NPAS3: variants seen among roughly 807,000 people sequenced by gnomAD.
The protein encoded by NPAS3 is neuronal PAS domain protein 3.
NPAS3 carries 14 observed loss-of-function variants against 73.1 expected under a neutral mutation model. The observed-to-expected ratio is 0.19, with a 90% CI of 0.13 to 0.30. The LOEUF (loss-of-function observed/expected upper bound fraction) is 0.30. Among genes scored for constraint, NPAS3 ranks in the 10% least tolerant of loss-of-function variants. The pLI is 1.00. For synonymous variants in NPAS3, 620 were observed against 541.5 expected (o/e 1.14, Z -2.01); for missense variants, 1,096 against 1,250.0 (o/e 0.88, Z 1.86).
chr14:33,169,870 A>T (rs1021747251), intron 2 of NPAS3, among the ~76,000 whole-genome samples: 4 of 152,184 alleles, frequency 2.6e-5, no homozygotes, highest in African/African-American at 9.7e-5. Flanking sequence ...GAGTTATGAG[A>T]CCTTGTCGGT....
chr14:33,514,308 T>C (rs1056574646), intron 4 of NPAS3, among the ~76,000 whole-genome samples: 2 of 151,954 alleles, frequency 1.3e-5, no homozygotes, highest in Non-Finnish European at 2.9e-5. Flanking sequence ...AAATCCAACC[T>C]CCTATCCCTC....
chr14:33,663,084 G>A (rs184954801), intron 5 of NPAS3, among the ~76,000 whole-genome samples: 4 of 151,840 alleles, frequency 2.6e-5, no homozygotes, highest in Non-Finnish European at 2.9e-5. Flanking sequence ...TCTCTTGCCT[G>A]ATTGCGCTGG....
At chr14:33,518,293 TG>T (rs2053396736) in intron 4 of NPAS3, among the ~76,000 whole-genome samples, 1 of 151,356 alleles carries the variant, frequency 6.6e-6, no homozygotes, top group Non-Finnish European at 1.5e-5. Flanking sequence ...TAACTCATGG[TG>T]GGGGTGGGAG....
At chr14:33,022,777 A>T (rs1459977193) in intron 1 of NPAS3, among the ~76,000 whole-genome samples, 1 of 152,064 alleles carries the variant, frequency 6.6e-6, no homozygotes, top group East Asian at 1.9e-4. Flanking sequence ...AATTCATTGT[A>T]AATATTTAAA....
At chr14:33,079,097 C>G (rs75730507) in intron 2 of NPAS3, among the ~76,000 whole-genome samples, 8,542 of 152,134 alleles carry the variant, frequency 0.056, 612 homozygotes, top group East Asian at 0.34. Flanking sequence ...TCAGACAAAT[C>G]ATACTCAGAG....
rs73258948 is a variant in NPAS3, at chr14:33,724,307, T to G, written c.734-10907T>G. Among the ~76,000 whole-genome samples the G allele has an allele frequency of 7.2e-3, 1,090 of 152,178 alleles. 12 individuals are homozygous for G. Among genetic ancestry groups the G allele is most frequent in the African/African-American group, 0.023 (971 of 41,508 alleles). Reference sequence around the variant, plus strand: ...TAAAAATTCAACTGGCCAGTAAATATGTATTCAAACATAATCCATCCTCAA... The same window carrying G: ...TAAAAATTCAACTGGCCAGTAAATAGGTATTCAAACATAATCCATCCTCAA... On this transcript the variant is annotated intron_variant, in intron 6 of 11. Transcript: ENST00000356141.
intron 4 of NPAS3, among the ~76,000 whole-genome samples, chr14:33,491,638 A>G (rs377680497): frequency 6.6e-6 from 1 of 152,172 alleles, no homozygotes; most frequent in East Asian, 1.9e-4. Flanking sequence ...CCTTTAAATA[A>G]GTATACTGAG....
intron 4 of NPAS3, among the ~76,000 whole-genome samples, chr14:33,403,170 TAA>T (rs1422336965): frequency 6.6e-6 from 1 of 152,080 alleles, no homozygotes; most frequent in African/African-American, 2.4e-5. Context: ...CTATTTTTAT[TAA>T]GAGATGTTTC....
intron 6 of NPAS3, among the ~76,000 whole-genome samples, chr14:33,681,903 T>C (rs2059950039): frequency 6.6e-6 from 1 of 151,788 alleles, no homozygotes; most frequent in Non-Finnish European, 1.5e-5. Context: ...TGTAGTCGAG[T>C]GGTATGCTAC....
chr14:33,051,204 G>GTT (rs1450825004), intron 1 of NPAS3, among the ~76,000 whole-genome samples: 1 of 149,250 alleles, frequency 6.7e-6, no homozygotes, highest in Non-Finnish European at 1.5e-5. Context: ...AACCCAGGAA[G>GTT]CGGAGCTTGC....
At chr14:33,196,447 T>C (rs1460445907) in intron 2 of NPAS3, among the ~76,000 whole-genome samples, 1 of 152,234 alleles carries the variant, frequency 6.6e-6, no homozygotes, top group African/African-American at 2.4e-5. Flanking sequence ...GCCATCTCTC[T>C]CTTTTGAGTA....
intron 3 of NPAS3, among the ~76,000 whole-genome samples, chr14:33,365,308 A>G (rs1277344221): frequency 6.6e-6 from 1 of 151,864 alleles, no homozygotes; most frequent in Non-Finnish European, 1.5e-5. Flanking sequence ...AACAGTATTC[A>G]GCAAGACAGC....
At chr14:33,128,080 C>T (rs188850877) in intron 2 of NPAS3, among the ~76,000 whole-genome samples, 1 of 152,214 alleles carries the variant, frequency 6.6e-6, no homozygotes, top group Non-Finnish European at 1.5e-5. Context: ...AAAGCTGTCA[C>T]AGCTTAATGT....
At chr14:33,042,835 A>G (rs2040388276) in intron 1 of NPAS3, among the ~76,000 whole-genome samples, 1 of 152,208 alleles carries the variant, frequency 6.6e-6, no homozygotes, top group African/African-American at 2.4e-5. Flanking sequence ...ACAGTTAAGT[A>G]CAGAAATGTG....
intron 4 of NPAS3, among the ~76,000 whole-genome samples, chr14:33,416,756 A>T (rs1453931926): frequency 6.6e-6 from 1 of 152,034 alleles, no homozygotes; most frequent in African/African-American, 2.4e-5. Flanking sequence ...ATGAGAAAAG[A>T]TGAAAAAAAT....
intron 3 of NPAS3, among the ~76,000 whole-genome samples, chr14:33,319,128 GT>G: frequency 7.2e-6 from 1 of 138,906 alleles, no homozygotes; most frequent in East Asian, 2.2e-4. Flanking sequence ...GGCCTCTCTA[GT>G]TGGATAGTTT....
chr14:33,083,015 TA>T, intron 2 of NPAS3, among the ~76,000 whole-genome samples: 1 of 151,558 alleles, frequency 6.6e-6, no homozygotes, highest in South Asian at 2.1e-4. Context: ...ACCTTGTCTC[TA>T]CAAAAAAACA....
chr14:33,654,700 G>T (rs2059094045), intron 5 of NPAS3, among the ~76,000 whole-genome samples: 1 of 152,114 alleles, frequency 6.6e-6, no homozygotes, highest in African/African-American at 2.4e-5. Context: ...CCAACTGTTG[G>T]TGCATAAATA....
intron 5 of NPAS3, among the ~76,000 whole-genome samples, chr14:33,641,342 A>G (rs2058670301): frequency 6.6e-6 from 1 of 152,194 alleles, no homozygotes; most frequent in Non-Finnish European, 1.5e-5. Flanking sequence ...CTAGTTGAAT[A>G]TGAAAAAAAT....
Sources: allele counts gnomAD v4.1 joint callset (sites outside exome capture counted in the v4.1 genomes callset), GRCh38; gene constraint gnomAD v4.1.1; transcripts MANE v1.5; gene names NCBI Gene and HGNC (gene_info 2026-07-23, HGNC 2026-07-21).